The following POU2F3 variants were observed in gnomAD, a reference collection of about 807,000 sequenced individuals.
POU2F3 encodes the protein POU domain, class 2, transcription factor 3.
In POU2F3, 23 loss-of-function variants were observed where a neutral mutation model predicts 59.2. That is an observed-to-expected ratio of 0.39 (90% CI 0.28 to 0.55). The LOEUF (loss-of-function observed/expected upper bound fraction) is 0.55. Ranked by LOEUF, POU2F3 falls within the 20% of genes least tolerant of loss-of-function variation. POU2F3 has a pLI of 0.66. For synonymous variants in POU2F3, 190 were observed against 214.6 expected (o/e 0.89, Z 1.00); for missense variants, 473 against 544.5 (o/e 0.87, Z 1.31).
At chr11:120,301,906 C>T in intron 5 of POU2F3, 2 of 175,772 alleles carry the variant, frequency 1.1e-5, no homozygotes, top group Non-Finnish European at 2.4e-5. Flanking sequence ...AATCCTCAGC[C>T]CTAGCTTGAA....
At chr11:120,264,652 T>C (rs1400427705) in intron 2 of POU2F3, among the ~76,000 whole-genome samples, 1 of 152,210 alleles carries the variant, frequency 6.6e-6, no homozygotes, top group Admixed American at 6.5e-5. Flanking sequence ...CACTCAATTC[T>C]CACTGTATTC....
At chr11:120,317,394 C>T (rs746769013) in intron 12 of POU2F3, 30 bp downstream of exon 12, 1 of 1,612,992 alleles carries the variant, frequency 6.2e-7, no homozygotes, top group East Asian at 2.2e-5. Context: ...GCAGAGACAT[C>T]CCAGCAGGGC....
At chr11:120,261,988 T>G (rs1261943347) in intron 2 of POU2F3, among the ~76,000 whole-genome samples, 1 of 152,214 alleles carries the variant, frequency 6.6e-6, no homozygotes, top group Non-Finnish European at 1.5e-5. Flanking sequence ...GAGTTCTTCC[T>G]TATGCTGAAA....
chr11:120,267,608 T>C (rs1044248675), intron 2 of POU2F3, among the ~76,000 whole-genome samples: 2 of 64,748 alleles, frequency 3.1e-5, no homozygotes, highest in African/African-American at 2.2e-4. Flanking sequence ...TACTTGCCCA[T>C]GGTTGTTTAG....
intron 5 of POU2F3, chr11:120,301,186 T>TG (rs1284119150): frequency 2.3e-6 from 1 of 426,150 alleles, no homozygotes; most frequent in African/African-American, 2.0e-5. Context: ...CTGTGTGTTT[T>TG]GGGGAAAGTT....
chr11:120,300,661 G>A (rs1037895404), intron 5 of POU2F3, among the ~76,000 whole-genome samples: 1 of 152,114 alleles, frequency 6.6e-6, no homozygotes, highest in African/African-American at 2.4e-5. Flanking sequence ...CTACTCAGGA[G>A]GTTGAGGCAA....
chr11:120,316,487 A>G (rs1941792195), intron 11 of POU2F3, among the ~76,000 whole-genome samples: 1 of 152,214 alleles, frequency 6.6e-6, no homozygotes, highest in Non-Finnish European at 1.5e-5. Context: ...ATGTGGTGAC[A>G]CAATCATGGC....
rs778689138 is a variant in POU2F3, at chr11:120,269,365, C to T, written c.132+121C>T. The T allele has an allele frequency of 6.0e-5, 49 of 818,558 alleles. 1 individual carries two copies. The highest frequency in any genetic ancestry group is 8.2e-5 in the Non-Finnish European group (42 of 513,964). 50.7% of individuals were successfully genotyped at this position (818,558 alleles called of 1,614,324 possible). ...GGGGGTGTTTATTCACAAACCCCAA[C>T]CTTTCAGGATCAAAGGACCTTGAGC... On this transcript the variant is annotated intron_variant, in intron 3 of 12. Transcript: ENST00000543440.
chr11:120,278,136 A>G (rs12284449), intron 3 of POU2F3, among the ~76,000 whole-genome samples: 71,839 of 152,116 alleles, frequency 0.47, 21,538 homozygotes, highest in African/African-American at 0.83. Context: ...CTTTGTGTTC[A>G]CATAAAAAAT....
rs747128887 is a variant in POU2F3, at chr11:120,305,024, T to A, written c.445-6T>A. The stretch of plus-strand genomic sequence containing the variant: ...TGGTGGATCTGCTTGGCGTGTTTCC[T>A]ATCAGGCATTTGGGCACCCTGGGCT... On this transcript the variant is annotated splice_region_variant and splice_polypyrimidine_tract_variant and intron_variant, in intron 6 of 12. Transcript: ENST00000543440. 2 of 1,595,314 alleles carry A rather than the reference T, an allele frequency of 1.3e-6. No individual in the cohort carries two copies. The highest frequency in any genetic ancestry group is 8.5e-7 in the Non-Finnish European group (1 of 1,170,106).
chr11:120,269,950 G>A (rs1939991851), intron 3 of POU2F3, among the ~76,000 whole-genome samples: 2 of 152,038 alleles, frequency 1.3e-5, no homozygotes, highest in African/African-American at 4.8e-5. Context: ...GACAGGGTGT[G>A]ATGTCAGAAG....
At chr11:120,251,896 G>T (rs527627511) in intron 2 of POU2F3, among the ~76,000 whole-genome samples, 1 of 147,666 alleles carries the variant, frequency 6.8e-6, no homozygotes, top group African/African-American at 2.5e-5. Context: ...CAGGGTTCAA[G>T]CAATTCTCCT....
intron 2 of POU2F3, among the ~76,000 whole-genome samples, chr11:120,264,234 A>ACACACACAC (rs1355225080): frequency 8.7e-6 from 1 of 115,106 alleles, no homozygotes; most frequent in African/African-American, 3.5e-5. Context: ...CACACACACA[A>ACACACACAC]TTAGCTGAGC....
intron 11 of POU2F3, 117 bp from the exon 12 acceptor site, chr11:120,317,112 G>A: frequency 4.0e-6 from 5 of 1,236,962 alleles, no homozygotes; most frequent in Non-Finnish European, 5.8e-6. Flanking sequence ...TGGCTAGGGA[G>A]AGGGTGAGGT....
intron 11 of POU2F3, 157 bp from the exon 12 acceptor site, chr11:120,317,072 C>G: frequency 1.3e-6 from 1 of 787,198 alleles, no homozygotes; most frequent in South Asian, 1.6e-5. Flanking sequence ...GAAGTTGATG[C>G]TAATGAGGCA....
chr11:120,315,846 T>C (rs534546228), intron 11 of POU2F3, among the ~76,000 whole-genome samples: 1 of 149,396 alleles, frequency 6.7e-6, no homozygotes, highest in Non-Finnish European at 1.5e-5. Context: ...GACATAATTA[T>C]CAATAGCACT....
At chr11:120,301,089 G>A in intron 5 of POU2F3, 1 of 456,208 alleles carries the variant, frequency 2.2e-6, no homozygotes, top group Non-Finnish European at 4.4e-6. Flanking sequence ...TAACCACCTA[G>A]GTCAGTGTAT....
At chr11:120,284,967 C>T (rs534106041) in intron 3 of POU2F3, among the ~76,000 whole-genome samples, 2 of 152,192 alleles carry the variant, frequency 1.3e-5, no homozygotes, top group East Asian at 1.9e-4. Flanking sequence ...TCACCCTCAG[C>T]GGTGAAATTT....
Position 120,246,434 on chromosome 11 carries a change from G to A in POU2F3, c.29-15G>A. ...TTGTGACCTGTTATTAAAATCAGTT[G>A]TGTTTTCCCTGCAGATATCAAGATG... On this transcript the variant is annotated splice_polypyrimidine_tract_variant and intron_variant, in intron 1 of 12. Transcript: ENST00000543440. The A allele has an allele frequency of 6.2e-7, 1 of 1,613,708 alleles. No individual in the cohort carries two copies. The highest frequency in any genetic ancestry group is 8.5e-7 in the Non-Finnish European group (1 of 1,179,818).
Sources: gnomAD v4.1 joint callset for allele counts (sites outside exome capture counted in the v4.1 genomes callset) on GRCh38, gnomAD v4.1.1 for gene constraint, MANE v1.5 for transcripts, NCBI Gene and HGNC (gene_info 2026-07-23, HGNC 2026-07-21) for gene names.